Variants in COX10 observed in about 807,000 individuals in gnomAD.
COX10 encodes cytochrome c oxidase assembly factor heme A:farnesyltransferase COX10.
A neutral mutation model predicts 37.3 loss-of-function variants in COX10; 27 were observed. That is an observed-to-expected ratio of 0.72 (90% CI 0.53 to 1.00). COX10 has a LOEUF of 1.00. Ranked by LOEUF, COX10 falls within the 50% of genes least tolerant of loss-of-function variation. The pLI is 0.00. For missense variants in COX10, 475 were observed against 563.2 expected, an observed-to-expected ratio of 0.84 and a Z score of 1.59; for synonymous variants, 222 against 229.1, an observed-to-expected ratio of 0.97 and a Z score of 0.28.
At chr17:14,098,526 T>C (rs1915701820) in intron 3 of COX10, among the ~76,000 whole-genome samples, 1 of 152,186 alleles carries the variant, frequency 6.6e-6, no homozygotes, top group African/African-American at 2.4e-5. Flanking sequence ...TATGGTGTGA[T>C]ATCTACAAAG....
At chr17:14,191,638 G>C (rs1906203388) in intron 5 of COX10, among the ~76,000 whole-genome samples, 1 of 152,130 alleles carries the variant, frequency 6.6e-6, no homozygotes, top group African/African-American at 2.4e-5. Flanking sequence ...TTCAACCCTA[G>C]GAGGAAAAGA....
intron 5 of COX10, among the ~76,000 whole-genome samples, chr17:14,169,781 G>A (rs1402227283): frequency 6.6e-6 from 1 of 152,194 alleles, no homozygotes; most frequent in Non-Finnish European, 1.5e-5. Context: ...CTTTGGTTTG[G>A]ATGTGGTTTG....
chr17:14,180,012 G>A (rs1335079128), intron 5 of COX10, among the ~76,000 whole-genome samples: 1 of 152,190 alleles, frequency 6.6e-6, no homozygotes, highest in Non-Finnish European at 1.5e-5. Context: ...AAAGAACAGG[G>A]TTTAGCTTAA....
intron 4 of COX10, among the ~76,000 whole-genome samples, chr17:14,136,554 T>C (rs961127825): frequency 6.6e-6 from 1 of 152,064 alleles, no homozygotes; most frequent in Non-Finnish European, 1.5e-5. Flanking sequence ...CGGCTGAGAC[T>C]TTGGCCGTTT....
intron 4 of COX10, among the ~76,000 whole-genome samples, chr17:14,159,061 T>C (rs1373589009): frequency 2.6e-5 from 4 of 152,174 alleles, no homozygotes. Context: ...GGTAAACAAT[T>C]AAAACTGTAC....
chr17:14,147,279 A>C (rs1904748702), intron 4 of COX10, among the ~76,000 whole-genome samples: 1 of 152,200 alleles, frequency 6.6e-6, no homozygotes, highest in Non-Finnish European at 1.5e-5. Flanking sequence ...GGATAAAGAA[A>C]ATGTGGTACT....
At chr17:14,179,396 A>T (rs1369330060) in intron 5 of COX10, 1 of 170,554 alleles carries the variant, frequency 5.9e-6, no homozygotes, top group Non-Finnish European at 1.2e-5. Flanking sequence ...TCAAATAATT[A>T]TTTTCTTCAA....
chr17:14,176,055 G>A (rs1284182791), intron 5 of COX10, among the ~76,000 whole-genome samples: 5 of 151,808 alleles, frequency 3.3e-5, no homozygotes, highest in Non-Finnish European at 7.4e-5. Context: ...CCTGGGTAAA[G>A]TAGACCGTAG....
chr17:14,190,973 A>G (rs1274286365), intron 5 of COX10, among the ~76,000 whole-genome samples: 1 of 152,122 alleles, frequency 6.6e-6, no homozygotes, highest in Non-Finnish European at 1.5e-5. Flanking sequence ...CTTGCTTGCT[A>G]AGAAACGTGT....
chr17:14,195,560 C>A (rs1906343890), intron 6 of COX10, among the ~76,000 whole-genome samples: 1 of 152,282 alleles, frequency 6.6e-6, no homozygotes, highest in African/African-American at 2.4e-5. Context: ...ACCGTACTGC[C>A]TGGGTGGAAA....
chr17:14,169,319 GA>G (rs1210767828), intron 5 of COX10, among the ~76,000 whole-genome samples: 1 of 152,130 alleles, frequency 6.6e-6, no homozygotes, highest in Non-Finnish European at 1.5e-5. Context: ...GTATCACTAT[GA>G]GCATTTTGGT....
intron 4 of COX10, among the ~76,000 whole-genome samples, chr17:14,110,415 G>C (rs1915984161): frequency 1.3e-5 from 2 of 151,952 alleles, no homozygotes; most frequent in South Asian, 2.1e-4. Flanking sequence ...GGTGGAAAAG[G>C]GTGATTCAAA....
intron 4 of COX10, among the ~76,000 whole-genome samples, chr17:14,141,709 T>C (rs1471163983): frequency 6.6e-6 from 1 of 152,086 alleles, no homozygotes; most frequent in East Asian, 1.9e-4. Flanking sequence ...TTATCTAACA[T>C]TGTTTTATAT....
intron 5 of COX10, among the ~76,000 whole-genome samples, chr17:14,163,337 C>T (rs1311646368): frequency 6.6e-6 from 1 of 151,988 alleles, no homozygotes; most frequent in African/African-American, 2.4e-5. Flanking sequence ...TCACTGCAAC[C>T]TCCACCTCCC....
At chr17:14,091,167 CT>C (rs1183630539) in intron 3 of COX10, among the ~76,000 whole-genome samples, 1 of 152,078 alleles carries the variant, frequency 6.6e-6, no homozygotes, top group Non-Finnish European at 1.5e-5. Context: ...GTCATTGTGT[CT>C]TGAAGTTTTT....
intron 5 of COX10, among the ~76,000 whole-genome samples, chr17:14,183,426 A>T (rs1001042530): frequency 6.6e-6 from 1 of 152,168 alleles, no homozygotes; most frequent in Non-Finnish European, 1.5e-5. Flanking sequence ...CACCCTGTTC[A>T]ACTCTATTTC....
Position 14,087,498 on chromosome 17 carries a change from G to A in COX10, c.499+10442G>A, listed in dbSNP as rs570151070. Among the ~76,000 whole-genome samples the A allele has an allele frequency of 2.0e-5, 3 of 152,252 alleles. No homozygotes were observed. The East Asian group carries it at 5.8e-4, about 29-fold the overall frequency. On this transcript the variant is annotated intron_variant, in intron 3 of 6. Transcript: ENST00000261643. ...GCCTGGCACGTAGTAAGCGCTCATT[G>A]TGTATCGGTTGAACGGATGCAGGGT...
chr17:14,188,213 GAAA>G (rs10648666), intron 5 of COX10, among the ~76,000 whole-genome samples: 1 of 139,388 alleles, frequency 7.2e-6, no homozygotes, highest in African/African-American at 2.6e-5. Flanking sequence ...GTCTCATAGG[GAAA>G]AAAAAAAATC....
chr17:14,152,579 A>C (rs982336874), intron 4 of COX10, among the ~76,000 whole-genome samples: 3 of 152,164 alleles, frequency 2.0e-5, no homozygotes, highest in Non-Finnish European at 4.4e-5. Flanking sequence ...GAGTTAAGCA[A>C]TCTGTGAGGC....
Sources: allele counts gnomAD v4.1 joint callset (sites outside exome capture counted in the v4.1 genomes callset), GRCh38; gene constraint gnomAD v4.1.1; transcripts MANE v1.5; gene names NCBI Gene and HGNC (gene_info 2026-07-23, HGNC 2026-07-21).